STXBP4: variants seen among roughly 807,000 people sequenced by gnomAD.
STXBP4 encodes syntaxin binding protein 4.
STXBP4 carries 55 observed loss-of-function variants against 76.1 expected under a neutral mutation model. That is an observed-to-expected ratio of 0.72 (90% CI 0.58 to 0.91). STXBP4 has a LOEUF of 0.91. Ranked by LOEUF, STXBP4 falls within the 40% of genes least tolerant of loss-of-function variation. The probability of loss-of-function intolerance (pLI) is 0.00; values close to 1 mark genes in which losing one functional copy is unlikely to be tolerated. For missense variants in STXBP4, 618 were observed against 636.9 expected, an observed-to-expected ratio of 0.97 and a Z score of 0.32; for synonymous variants, 201 against 220.2, an observed-to-expected ratio of 0.91 and a Z score of 0.77.
chr17:55,189,368 G>A, the STXBP4 span, among the ~76,000 whole-genome samples: 1 of 152,170 alleles, frequency 6.6e-6, no homozygotes, highest in African/African-American at 2.4e-5. Flanking sequence ...GTAAGTTGAA[G>A]CTAAGGACAG....
chr17:55,186,790 T>A, the STXBP4 span, among the ~76,000 whole-genome samples: 2 of 152,214 alleles, frequency 1.3e-5, no homozygotes, highest in Admixed American at 6.5e-5. Flanking sequence ...AGATATACTA[T>A]CATTAGTCCC....
chr17:55,072,809 TA>T (rs1726817817), intron 12 of STXBP4, 90 bp from the exon 13 acceptor site: 2 of 1,118,638 alleles, frequency 1.8e-6, no homozygotes, highest in African/African-American at 1.6e-5. Context: ...TTTTTGGAAT[TA>T]TAACTTCCAG....
At chr17:54,984,107 C>A (rs1598154513) in intron 1 of STXBP4, among the ~76,000 whole-genome samples, 1 of 152,026 alleles carries the variant, frequency 6.6e-6, no homozygotes, top group Non-Finnish European at 1.5e-5. Flanking sequence ...GTGTTTTTAC[C>A]ACCCAGACCA....
At chr17:55,129,886 T>G (rs2079956293) in intron 16 of STXBP4, among the ~76,000 whole-genome samples, 1 of 152,170 alleles carries the variant, frequency 6.6e-6, no homozygotes, top group Non-Finnish European at 1.5e-5. Context: ...CATATGTAAT[T>G]AGTTAACCTT....
chr17:55,030,461 T>G (rs1034582263), intron 8 of STXBP4, among the ~76,000 whole-genome samples: 1 of 152,186 alleles, frequency 6.6e-6, no homozygotes, highest in African/African-American at 2.4e-5. Flanking sequence ...GTTAGTTACA[T>G]GGCCGCATGG....
At chr17:55,141,559 C>G (rs1046402454) in intron 17 of STXBP4, among the ~76,000 whole-genome samples, 192 bp downstream of exon 17, 1 of 152,050 alleles carries the variant, frequency 6.6e-6, no homozygotes, top group African/African-American at 2.4e-5. Context: ...GGGGAAAAAA[C>G]CTGGTAATAA....
At chr17:55,000,637 A>G (rs2077895610) in intron 6 of STXBP4, among the ~76,000 whole-genome samples, 171 bp from the exon 7 acceptor site, 1 of 152,172 alleles carries the variant, frequency 6.6e-6, no homozygotes, top group Non-Finnish European at 1.5e-5. Context: ...AGCAATTGTT[A>G]CCTTTAATTC....
rs949949004 is a variant in STXBP4 at position 55,167,819 on chromosome 17, G to T, written c.*7908G>T. On this transcript the variant is annotated 3_prime_UTR_variant, in exon 18 of 18. Coordinates refer to ENST00000376352, the MANE Select transcript of STXBP4 (RefSeq NM_178509.6). ...CCCACTGGAATTGCTTGACTGTTCTGTTTCACAGTGGAGAAATTCATCTTT... is the reference window on the plus strand; with the variant it reads ...CCCACTGGAATTGCTTGACTGTTCTTTTTCACAGTGGAGAAATTCATCTTT... The T allele has an allele frequency of 6.6e-5, 10 of 152,238 alleles. No homozygotes were observed. In the East Asian group the frequency reaches 1.9e-3, roughly 29 times the overall value. 9.4% of individuals were successfully genotyped at this position (152,238 alleles called of 1,614,324 possible).
chr17:55,006,763 A>G (rs17818058), intron 7 of STXBP4, among the ~76,000 whole-genome samples: 35,540 of 152,120 alleles, frequency 0.23, 4,634 homozygotes, highest in South Asian at 0.31. Context: ...TCTGTATTAT[A>G]CTTTATGTGC....
chr17:55,023,570 G>C (rs541755512), intron 8 of STXBP4, among the ~76,000 whole-genome samples: 27 of 152,264 alleles, frequency 1.8e-4, no homozygotes, highest in Admixed American at 5.2e-4. Context: ...CACTCAAAAA[G>C]TTTTGGATTT....
intron 16 of STXBP4, among the ~76,000 whole-genome samples, chr17:55,129,130 G>A (rs777363297): frequency 9.2e-5 from 14 of 151,558 alleles, no homozygotes; most frequent in African/African-American, 2.9e-4. Context: ...GGGTTTCACC[G>A]TGTTGGCCAG....
intron 4 of STXBP4, among the ~76,000 whole-genome samples, chr17:54,999,086 T>TG (rs35029888): frequency 0.37 from 55,452 of 151,920 alleles, 10,971 homozygotes; most frequent in East Asian, 0.54. Context: ...TACTGGCCTA[T>TG]GTCCTACCTA....
chr17:55,197,473 G>A, the STXBP4 span, among the ~76,000 whole-genome samples: 38 of 152,336 alleles, frequency 2.5e-4, no homozygotes, highest in Admixed American at 9.1e-4. Context: ...GCCAGGCGCT[G>A]TGGCTCACGC....
chr17:55,161,374 G>C lies in STXBP4; in HGVS notation c.*1463G>C. The C allele has an allele frequency of 6.6e-6, 1 of 152,174 alleles. No homozygotes were observed. Among genetic ancestry groups the C allele is most frequent in the East Asian group, 1.9e-4 (1 of 5,192 alleles). The allele number at this position is 152,174 out of a possible 1,614,324, so 9.4% of individuals were successfully genotyped here. Reference sequence around the variant, plus strand: ...ATGTTAGGAAGCTTCGGGGAGACAAGTTTTGAGAGAAGCCCCAGAGGGAGC... The same window carrying C: ...ATGTTAGGAAGCTTCGGGGAGACAACTTTTGAGAGAAGCCCCAGAGGGAGC... On this transcript the variant is annotated 3_prime_UTR_variant, in exon 18 of 18. Transcript: ENST00000376352.
At chr17:55,149,474 A>G (rs781757652) in intron 17 of STXBP4, among the ~76,000 whole-genome samples, 2 of 152,162 alleles carry the variant, frequency 1.3e-5, no homozygotes, top group African/African-American at 2.4e-5. Flanking sequence ...AATAATTTCT[A>G]TCTATCTCCC....
chr17:55,103,275 A>G (rs1052641445), intron 16 of STXBP4, among the ~76,000 whole-genome samples: 11 of 152,118 alleles, frequency 7.2e-5, no homozygotes, highest in Admixed American at 5.2e-4. Context: ...TCTTATATTT[A>G]AGTCTTTAAT....
chr17:54,972,883 T>C (rs2077420686), intron 1 of STXBP4, among the ~76,000 whole-genome samples: 1 of 152,232 alleles, frequency 6.6e-6, no homozygotes, highest in Non-Finnish European at 1.5e-5. Context: ...AGCAAATTAC[T>C]GTGGCTGAAA....
intron 1 of STXBP4, among the ~76,000 whole-genome samples, chr17:54,984,497 A>G (rs1393220023): frequency 6.6e-6 from 1 of 151,296 alleles, no homozygotes; most frequent in African/African-American, 2.4e-5. Flanking sequence ...CGCTGCCACC[A>G]CGCCCGGCTA....
At chr17:54,986,681 T>G (rs891589374) in intron 3 of STXBP4, among the ~76,000 whole-genome samples, 1 of 152,220 alleles carries the variant, frequency 6.6e-6, no homozygotes, top group Non-Finnish European at 1.5e-5. Flanking sequence ...AAAACTCTTT[T>G]GTGAGATTTC....
Sources: gnomAD v4.1 joint callset for allele counts (sites outside exome capture counted in the v4.1 genomes callset) on GRCh38, gnomAD v4.1.1 for gene constraint, MANE v1.5 for transcripts, NCBI Gene and HGNC (gene_info 2026-07-23, HGNC 2026-07-21) for gene names.